Variants in ATAD3B observed in about 807,000 individuals in gnomAD.
ATAD3B encodes the protein ATPase family AAA domain-containing protein 3B.
In ATAD3B, 59 loss-of-function variants were observed where a neutral mutation model predicts 70.2. That is an observed-to-expected ratio of 0.84 (90% CI 0.68 to 1.04). ATAD3B has a LOEUF of 1.04. ATAD3B is among the 50% of genes least tolerant of loss of function. ATAD3B has a pLI of 0.00. For missense variants in ATAD3B, 961 were observed against 913.4 expected (o/e 1.05, Z -0.67); for synonymous variants, 423 against 388.6 (o/e 1.09, Z -1.04).
At chr1:1,489,737 G>A (rs1434373580) in intron 13 of ATAD3B, 8 of 1,309,116 alleles carry the variant, frequency 6.1e-6, no homozygotes, top group African/African-American at 6.1e-5. Flanking sequence ...CTGGTCGGCC[G>A]TGGCTGACTC....
At chr1:1,477,490 C>T (rs1193407407) in intron 2 of ATAD3B, 140 bp downstream of exon 2, 51 of 1,416,942 alleles carry the variant, frequency 3.6e-5, no homozygotes, top group Non-Finnish European at 4.4e-5. Flanking sequence ...TTGGGCGCCT[C>T]ATTTCACAGA....
intron 15 of ATAD3B, 118 bp from the exon 16 acceptor site, chr1:1,495,367 C>T (rs1640728819): frequency 1.5e-6 from 2 of 1,367,720 alleles, no homozygotes; most frequent in Non-Finnish European, 2.0e-6. Context: ...GCCTGTGTTT[C>T]ACCCTGAGGT....
chr1:1,483,252 G>A (rs761447047), intron 7 of ATAD3B: 73 of 340,434 alleles, frequency 2.1e-4, no homozygotes, highest in Non-Finnish European at 3.5e-4. Flanking sequence ...TCGAGATCCC[G>A]CCACTGCACC....
chr1:1,477,501 G>A (rs181067273), intron 2 of ATAD3B, 151 bp downstream of exon 2: 19 of 1,350,718 alleles, frequency 1.4e-5, no homozygotes, highest in Admixed American at 6.2e-5. Flanking sequence ...ATTTCACAGA[G>A]GGAAACAAGG....
chr1:1,508,396 C>A, the ATAD3B span, among the ~76,000 whole-genome samples: 1 of 151,294 alleles, frequency 6.6e-6, no homozygotes, highest in South Asian at 2.1e-4. Flanking sequence ...GCTGCCCCTG[C>A]ACCCCGTGAG....
At position 1,487,884 on chromosome 1, in the gene ATAD3B, A is replaced by G. The variant is rs1640315677; in HGVS notation, c.1236A>G (p.Glu412=). 1 of 1,612,970 alleles carries G rather than the reference A, an allele frequency of 6.2e-7. No homozygotes were observed. Among genetic ancestry groups the G allele is most frequent in the Admixed American group, 1.7e-5 (1 of 59,940 alleles). The part of the protein sequence containing the change: ...SRRGLLLFMD[E]ADAFLRKRAT... Reference sequence around the variant, plus strand: ...ACAGCCTCCTGCTCTTCATGGATGAAGCAGACGCCTTCCTTCGGAAGCGAG... The same window carrying G: ...ACAGCCTCCTGCTCTTCATGGATGAGGCAGACGCCTTCCTTCGGAAGCGAG... Residue 412 remains glutamate, a synonymous_variant, in exon 12 of 16, where the codon GAA becomes GAG. Transcript: ENST00000673477.
chr1:1,501,889 GT>G (rs1036574127), downstream of ATAD3B, among the ~76,000 whole-genome samples: 3 of 151,268 alleles, frequency 2.0e-5, no homozygotes, highest in Non-Finnish European at 4.4e-5. Flanking sequence ...TGTTTTGTTT[GT>G]TTTTTTTGAG....
At chr1:1,489,606 T>C (rs1471331270) in intron 13 of ATAD3B, 1 of 1,250,802 alleles carries the variant, frequency 8.0e-7, no homozygotes, top group East Asian at 3.7e-5. Context: ...AGGTCCCCAG[T>C]AGGGTGACCG....
intron 5 of ATAD3B, among the ~76,000 whole-genome samples, chr1:1,481,141 C>T (rs1639890795): frequency 7.3e-6 from 1 of 136,488 alleles, no homozygotes; most frequent in Non-Finnish European, 1.5e-5. Context: ...TCAGGGAGGG[C>T]AGGAGCTGCT....
At chr1:1,485,443 G>C (rs1278978882) in intron 8 of ATAD3B, among the ~76,000 whole-genome samples, 2 of 152,098 alleles carry the variant, frequency 1.3e-5, no homozygotes, top group Admixed American at 1.3e-4. Context: ...CCCGGGACTT[G>C]GGTGTGCGGC....
the ATAD3B span, among the ~76,000 whole-genome samples, chr1:1,505,961 A>T: frequency 6.6e-6 from 1 of 152,070 alleles, no homozygotes; most frequent in Non-Finnish European, 1.5e-5. Flanking sequence ...ACCCACACAC[A>T]GTGGCTCATG....
At chr1:1,480,770 G>A (rs1343044171) in intron 4 of ATAD3B, 97 bp from the exon 5 acceptor site, 2 of 1,564,370 alleles carry the variant, frequency 1.3e-6, no homozygotes, top group Non-Finnish European at 1.7e-6. Context: ...AGGACGCTTG[G>A]AGTTCTGTGG....
At chr1:1,477,134 G>T (rs1639633269) in intron 1 of ATAD3B, 140 bp from the exon 2 acceptor site, 1 of 1,139,524 alleles carries the variant, frequency 8.8e-7, no homozygotes. Context: ...CTGAGCCTCA[G>T]AGTTGCTGGG....
At position 1,483,016 on chromosome 1, in the gene ATAD3B, A is replaced by G. The variant is rs147153233; in HGVS notation, c.750+402A>G. Reference sequence around the variant, plus strand: ...ACCTTGTCTCAAGAAAAAAATGGCCAGGCGGTAGTGGCTCAGGCCTGTAAT... The same window carrying G: ...ACCTTGTCTCAAGAAAAAAATGGCCGGGCGGTAGTGGCTCAGGCCTGTAAT... On this transcript the variant is annotated intron_variant, in intron 7 of 15. Transcript: ENST00000673477. 4,255 of 458,196 alleles carry G rather than the reference A, an allele frequency of 9.3e-3. 201 individuals are homozygous for G. Among genetic ancestry groups the G allele is most frequent in the African/African-American group, 0.077 (3,842 of 50,158 alleles). 28.4% of individuals were successfully genotyped at this position (458,196 alleles called of 1,614,324 possible).
chr1:1,473,077 C>T (rs1474664686), intron 1 of ATAD3B, among the ~76,000 whole-genome samples: 2 of 150,128 alleles, frequency 1.3e-5, no homozygotes, highest in East Asian at 3.9e-4. Flanking sequence ...CCCGCCTTGT[C>T]CTCCTGAAGT....
At chr1:1,494,512 C>T (rs1056816552) in intron 15 of ATAD3B, among the ~76,000 whole-genome samples, 1 of 151,494 alleles carries the variant, frequency 6.6e-6, no homozygotes, top group East Asian at 1.9e-4. Context: ...GTCTCCTGCG[C>T]TCCCGGGCCC....
intron 2 of ATAD3B, chr1:1,478,193 C>T (rs916978699): frequency 9.1e-6 from 3 of 329,460 alleles, no homozygotes; most frequent in African/African-American, 6.3e-5. Context: ...GAAGGGGGTT[C>T]AGCATGTTGT....
At chr1:1,509,033 C>T in the ATAD3B span, among the ~76,000 whole-genome samples, 52 of 150,626 alleles carry the variant, frequency 3.5e-4, no homozygotes, top group Admixed American at 5.9e-4. Flanking sequence ...CAGGGGCTGC[C>T]CCCGGTGTCC....
chr1:1,508,901 C>T, the ATAD3B span, among the ~76,000 whole-genome samples: 5 of 151,726 alleles, frequency 3.3e-5, no homozygotes, highest in Non-Finnish European at 7.3e-5. Flanking sequence ...CTGCAGTTCC[C>T]ACCTGCCTCT....
Sources: gnomAD v4.1 joint callset for allele counts (sites outside exome capture counted in the v4.1 genomes callset) on GRCh38, gnomAD v4.1.1 for gene constraint, MANE v1.5 for transcripts, NCBI Gene and HGNC (gene_info 2026-07-23, HGNC 2026-07-21) for gene names.